ARHGEF3: variants seen among roughly 807,000 people sequenced by gnomAD.
ARHGEF3 encodes 59.8 kDA protein.
ARHGEF3 carries 28 observed loss-of-function variants against 63.2 expected under a neutral mutation model. The observed-to-expected ratio is 0.44, with a 90% CI of 0.33 to 0.61. The LOEUF is 0.61. Among genes scored for constraint, ARHGEF3 ranks in the 20% least tolerant of loss-of-function variants. The pLI is 0.03. For synonymous variants in ARHGEF3, 266 were observed against 254.2 expected (o/e 1.05, Z -0.44); for missense variants, 533 against 659.3 (o/e 0.81, Z 2.10).
chr3:56,735,225 A>G (rs2033521666), intron 8 of ARHGEF3, among the ~76,000 whole-genome samples: 1 of 152,196 alleles, frequency 6.6e-6, no homozygotes, highest in Non-Finnish European at 1.5e-5. Context: ...TGGAGGTTGC[A>G]GTGAGCCAAG....
Position 57,021,296 on chromosome 3 carries a change from G to C in ARHGEF3, c.62+13792C>G, listed in dbSNP as rs78207844. ...TTGTTGAATTCCAACATATATTCCT[G>C]ATTGAAAAAAGAAACTTTTAACAAA... is the stretch of plus-strand genomic sequence containing the variant. On this transcript the variant is annotated intron_variant, in intron 2 of 12. Coordinates refer to the ARHGEF3 transcript ENST00000338458. Among the ~76,000 whole-genome samples the C allele has an allele frequency of 1.5e-3, 221 of 148,940 alleles. 1 individual carries two copies. The highest frequency in any genetic ancestry group is 5.4e-3 in the African/African-American group (216 of 40,092).
chr3:56,743,168 TCCC>T (rs1267998036), intron 7 of ARHGEF3, among the ~76,000 whole-genome samples: 1 of 152,154 alleles, frequency 6.6e-6, no homozygotes, highest in African/African-American at 2.4e-5. Flanking sequence ...AGCGACTGCG[TCCC>T]CCATCTGTGC....
intron 3 of ARHGEF3, among the ~76,000 whole-genome samples, chr3:56,920,448 A>G (rs149666421): frequency 3.8e-4 from 58 of 152,334 alleles, no homozygotes; most frequent in African/African-American, 1.3e-3. Flanking sequence ...AGAAGTTCCA[A>G]GCAATTTCCT....
Position 56,992,024 on chromosome 3 carries a change from C to CTCTGTGTG in ARHGEF3, c.63-33136_63-33135insCACACAGA, listed in dbSNP as rs1239113895. 3.4e-3 allele frequency among the ~76,000 whole-genome samples: 445 copies of CTCTGTGTG among 131,708 alleles called. 11 individuals are homozygous for CTCTGTGTG. The highest frequency in any genetic ancestry group is 9.2e-3 in the South Asian group (34 of 3,678). 86.4% of individuals were successfully genotyped at this position (131,708 alleles called of 152,430 possible). Reference sequence around the variant, plus strand: ...TCTCACTCTCTCTCCCCTCCTCTCTCTGTGTGTGTGTGTGTGTGTGTGTGT... The same window carrying CTCTGTGTG: ...TCTCACTCTCTCTCCCCTCCTCTCTCTCTGTGTGTGTGTGTGTGTGTGTGTGTGTGTGT... On this transcript the variant is annotated intron_variant, in intron 2 of 12. Transcript: ENST00000338458.
At chr3:56,735,309 A>G (rs142143341) in intron 8 of ARHGEF3, among the ~76,000 whole-genome samples, 1,940 of 152,150 alleles carry the variant, frequency 0.013, 39 homozygotes, top group African/African-American at 0.044. Context: ...ACAAACAAAC[A>G]AAAAACTCAT....
chr3:56,837,002 T>C (rs17216803), intron 4 of ARHGEF3, among the ~76,000 whole-genome samples: 13,447 of 152,250 alleles, frequency 0.088, 824 homozygotes, highest in Admixed American at 0.21. Context: ...TAATCTTTAT[T>C]TCACCCTCTT....
intron 3 of ARHGEF3, among the ~76,000 whole-genome samples, chr3:56,921,030 G>A (rs1216577178): frequency 1.4e-5 from 2 of 144,808 alleles, no homozygotes; most frequent in Non-Finnish European, 3.0e-5. Context: ...ACTCCAGCCT[G>A]GGTGACAGAG....
At chr3:56,841,236 G>A (rs998034675) in intron 4 of ARHGEF3, among the ~76,000 whole-genome samples, 2 of 152,184 alleles carry the variant, frequency 1.3e-5, no homozygotes, top group African/African-American at 4.8e-5. Flanking sequence ...TTTCCCTAAA[G>A]TAGCAATGGC....
intron 4 of ARHGEF3, among the ~76,000 whole-genome samples, chr3:56,830,530 A>G (rs2038896168): frequency 1.3e-5 from 2 of 152,220 alleles, no homozygotes; most frequent in South Asian, 2.1e-4. Context: ...TCACTGCATT[A>G]CAGCAGCCAG....
intron 3 of ARHGEF3, chr3:56,940,801 T>A (rs1578894969): frequency 1.3e-5 from 2 of 152,192 alleles, no homozygotes; most frequent in Non-Finnish European, 2.9e-5. Context: ...CTTACCTACA[T>A]GAGAGACATT....
intron 4 of ARHGEF3, among the ~76,000 whole-genome samples, chr3:56,808,527 T>C (rs1259520987): frequency 1.3e-5 from 2 of 152,064 alleles, no homozygotes; most frequent in African/African-American, 2.4e-5. Context: ...GAGGTCGAGG[T>C]TGCAGTGAGC....
chr3:56,802,692 A>G (rs1213128030), upstream of ARHGEF3, among the ~76,000 whole-genome samples: 2 of 152,174 alleles, frequency 1.3e-5, no homozygotes, highest in Non-Finnish European at 2.9e-5. Context: ...CTTCAAGTAT[A>G]AAGCTGTGCA....
At chr3:57,023,848 C>T (rs555963377) in intron 2 of ARHGEF3, among the ~76,000 whole-genome samples, 1 of 152,400 alleles carries the variant, frequency 6.6e-6, no homozygotes, top group African/African-American at 2.4e-5. Context: ...CACATGCTCA[C>T]TGCCCTGGGA....
chr3:57,074,331 A>T (rs1010066904), intron 1 of ARHGEF3: 1 of 1,440,342 alleles, frequency 6.9e-7, no homozygotes, highest in African/African-American at 1.4e-5. Context: ...TGCACATGCT[A>T]TGCCCTCCCT....
chr3:56,932,397 A>C (rs538458872), intron 3 of ARHGEF3, among the ~76,000 whole-genome samples: 1 of 152,176 alleles, frequency 6.6e-6, no homozygotes, highest in African/African-American at 2.4e-5. Context: ...CATAGCCCAA[A>C]TTGTACTGTA....
At chr3:57,035,163 C>T (rs1218950626) in exon 2 of ARHGEF3, 2 of 1,513,102 alleles carry the variant, frequency 1.3e-6, no homozygotes, top group Non-Finnish European at 1.8e-6. Context: ...CTCAGTATGG[C>T]AGGCTCAGGT....
At chr3:56,988,791 T>G (rs1701636717) in intron 2 of ARHGEF3, among the ~76,000 whole-genome samples, 2 of 152,138 alleles carry the variant, frequency 1.3e-5, no homozygotes, top group African/African-American at 4.8e-5. Context: ...TTAATTGGTG[T>G]TTATGCAACA....
At position 57,001,915 on chromosome 3, in the gene ARHGEF3, G is replaced by GTTTTTTTTTTT. The variant is rs1410825594; in HGVS notation, c.62+33162_62+33172dup. Among the ~76,000 whole-genome samples, 4 of 53,718 alleles carry GTTTTTTTTTTT rather than the reference G, an allele frequency of 7.4e-5. 2 individuals carry two copies. The highest frequency in any genetic ancestry group is 4.8e-4 in the Admixed American group (2 of 4,190). 35.2% of individuals were successfully genotyped at this position (53,718 alleles called of 152,430 possible). A position where few individuals can be genotyped will look rare whatever the true frequency, so the allele number is the denominator to read the frequency against. ...AAATCCTAAAACCCAAAGTGAGATA[G>GTTTTTTTTTTT]TTTTTTTTTTTTTTGTTTTTTGTTT... On this transcript the variant is annotated intron_variant, in intron 2 of 12. Coordinates refer to the ARHGEF3 transcript ENST00000338458.
In ARHGEF3 at chr3:56,808,670, A is replaced by G. The variant is rs547675280; in HGVS notation, c.193-34854T>C. On this transcript the variant is annotated intron_variant, in intron 4 of 12. Transcript: ENST00000338458. ...TTTTTTGTTTTTTCAAAAAAATAAT[A>G]ATATTGAAGTGTTTTGCCCTGAAAC... Among the ~76,000 whole-genome samples the G allele has an allele frequency of 1.1e-3, 170 of 152,300 alleles. 2 individuals carry two copies. The South Asian group carries it at 0.013, about 12-fold the overall frequency.
Sources: gnomAD v4.1 joint callset for allele counts (sites outside exome capture counted in the v4.1 genomes callset) on GRCh38, gnomAD v4.1.1 for gene constraint, MANE v1.5 for transcripts, NCBI Gene and HGNC (gene_info 2026-07-23, HGNC 2026-07-21) for gene names.